Variants in KDM2A observed in about 807,000 individuals in gnomAD.
KDM2A encodes lysine demethylase 2A.
In KDM2A, 3 loss-of-function variants were observed where a neutral mutation model predicts 137.3. The observed-to-expected ratio is 0.02, with a 90% CI of 0.01 to 0.06. The LOEUF (loss-of-function observed/expected upper bound fraction) is 0.06, where lower values mean the gene tolerates loss of function less well. Ranked by LOEUF, KDM2A falls within the 10% of genes least tolerant of loss-of-function variation. The pLI, the probability that KDM2A is intolerant of heterozygous loss-of-function variation, is 1.00. For synonymous variants in KDM2A, 512 were observed against 541.5 expected, an observed-to-expected ratio of 0.95 and a Z score of 0.76; for missense variants, 738 against 1,510.6, an observed-to-expected ratio of 0.49 and a Z score of 8.48.
intron 2 of KDM2A, among the ~76,000 whole-genome samples, chr11:67,165,272 G>A (rs551180936): frequency 1.3e-5 from 2 of 152,012 alleles, no homozygotes; most frequent in African/African-American, 4.8e-5. Context: ...ACAGGCATGC[G>A]CCGCCACACC....
chr11:67,254,425 C>G lies in KDM2A; in HGVS notation c.3307+7C>G. On this transcript the variant is annotated splice_region_variant and intron_variant, in intron 20 of 20. Transcript: ENST00000529006. The surrounding 1 kb of genome is among the most constrained non-coding windows in gnomAD (Gnocchi z 4.7). The stretch of plus-strand genomic sequence containing the variant: ...ACAGAGCTCAATATGGCAGGTATGC[C>G]GCTACAGTTGTTCATAATCAGCGGT... 1 of 1,612,308 alleles carries G rather than the reference C, an allele frequency of 6.2e-7. No individual in the cohort carries two copies. Among genetic ancestry groups the G allele is most frequent in the Non-Finnish European group, 8.5e-7 (1 of 1,178,562 alleles).
At position 67,168,050 on chromosome 11, in the gene KDM2A, C is replaced by T. The variant is rs558696436; in HGVS notation, c.43-12029C>T. On this transcript the variant is annotated intron_variant, in intron 2 of 20. Coordinates refer to ENST00000529006, the MANE Select transcript of KDM2A (RefSeq NM_012308.3). ...CGACTCTTTTTATACTTCCTTAGGG[C>T]ATTTTAATTAAAATCCATCATGAGA... Among the ~76,000 whole-genome samples, 4 of 152,174 alleles carry T rather than the reference C, an allele frequency of 2.6e-5. No individual in the cohort carries two copies. In the South Asian group the frequency reaches 8.3e-4, roughly 32 times the overall value.
intron 11 of KDM2A, among the ~76,000 whole-genome samples, chr11:67,228,563 G>A (rs970562662): frequency 4.6e-5 from 7 of 151,628 alleles, no homozygotes; most frequent in Admixed American, 6.6e-5. Flanking sequence ...ATGGTGGCTC[G>A]AGTCCCAGCT....
At chr11:67,172,845 A>T (rs1347421337) in intron 2 of KDM2A, among the ~76,000 whole-genome samples, 2 of 152,100 alleles carry the variant, frequency 1.3e-5, no homozygotes, top group African/African-American at 2.4e-5. Flanking sequence ...CTTGTTCCTA[A>T]TCTTAGGGGG....
At chr11:67,249,750 A>G (rs964912121) in intron 16 of KDM2A, among the ~76,000 whole-genome samples, 1 of 152,208 alleles carries the variant, frequency 6.6e-6, no homozygotes, top group African/African-American at 2.4e-5. Flanking sequence ...CAGACTCAGG[A>G]TCTTAGTTCA....
At chr11:67,191,806 A>C (rs193006154) in intron 5 of KDM2A, among the ~76,000 whole-genome samples, 1 of 152,214 alleles carries the variant, frequency 6.6e-6, no homozygotes, top group Non-Finnish European at 1.5e-5. Context: ...TACTGCCTCT[A>C]TTCAATGTAG....
intron 12 of KDM2A, among the ~76,000 whole-genome samples, chr11:67,238,575 A>G (rs553253765): frequency 2.0e-4 from 30 of 152,266 alleles, no homozygotes; most frequent in African/African-American, 7.2e-4. Context: ...CGAGAGCACA[A>G]AAGTCTGTCC....
At chr11:67,148,582 C>T (rs1182016555) in intron 2 of KDM2A, among the ~76,000 whole-genome samples, 1 of 151,784 alleles carries the variant, frequency 6.6e-6, no homozygotes, top group African/African-American at 2.4e-5. Context: ...GGGTGGATCA[C>T]CTGAGGTCAG....
At chr11:67,125,635 TG>T (rs1174740845) in intron 2 of KDM2A, among the ~76,000 whole-genome samples, 1 of 151,458 alleles carries the variant, frequency 6.6e-6, no homozygotes. Context: ...AGCTGGGCAC[TG>T]GGGGTGGTGG....
chr11:67,215,455 T>A lies in KDM2A; in HGVS notation c.593+9T>A. On this transcript the variant is annotated intron_variant, in intron 7 of 20. Coordinates refer to ENST00000529006, the MANE Select transcript of KDM2A (RefSeq NM_012308.3). ...TACCCTAAAGTGCAGAAGTAAGTGA[T>A]GCGCCCTGCATCTTCCTCCGTGTGC... The A allele has an allele frequency of 1.3e-6, 2 of 1,571,234 alleles. No homozygotes were observed. Among genetic ancestry groups the A allele is most frequent in the Non-Finnish European group, 1.8e-6 (2 of 1,141,682 alleles).
intron 2 of KDM2A, among the ~76,000 whole-genome samples, chr11:67,140,347 CAG>C: frequency 6.6e-6 from 1 of 151,752 alleles, no homozygotes; most frequent in East Asian, 1.9e-4. Context: ...TCCTGGGTGA[CAG>C]AGTGAGATCT....
chr11:67,249,568 G>A (rs926062679), intron 16 of KDM2A, among the ~76,000 whole-genome samples: 3 of 152,210 alleles, frequency 2.0e-5, no homozygotes, highest in African/African-American at 4.8e-5. Flanking sequence ...GGGGGCTCTT[G>A]TGGGATTCCT....
Position 67,255,050 on chromosome 11 carries a change from A to G in KDM2A, c.3484A>G (p.Ser1162Gly), listed in dbSNP as rs1452676523. The G allele has an allele frequency of 6.2e-7, 1 of 1,609,014 alleles. No homozygotes were observed. The highest frequency in any genetic ancestry group is 2.2e-5 in the East Asian group (1 of 44,702). ...TGACGAGAAGCTGATACAGAAGATCAGCTAAGACACACCCAGCCCAGATTC... is the reference window on the plus strand; with the variant it reads ...TGACGAGAAGCTGATACAGAAGATCGGCTAAGACACACCCAGCCCAGATTC... The part of the protein sequence containing the change: ...LSDEKLIQKI[S>G] The change falls in exon 21 of 21, where the codon AGC (serine) becomes GGC (glycine). Residue 1162 changes from serine (S) to glycine (G), a missense_variant. Transcript: ENST00000529006.
intron 19 of KDM2A, among the ~76,000 whole-genome samples, chr11:67,253,995 A>G (rs1859521601): frequency 6.6e-6 from 1 of 152,252 alleles, no homozygotes; most frequent in African/African-American, 2.4e-5. Context: ...GGCATAATCT[A>G]GCAGCTTGAG....
intron 16 of KDM2A, chr11:67,248,738 G>T: frequency 4.9e-6 from 1 of 202,678 alleles, no homozygotes; most frequent in South Asian, 7.6e-5. Context: ...GAGGCAGCCA[G>T]TGAGTGCAGC....
chr11:67,252,667 G>T, intron 17 of KDM2A, 27 bp from the exon 18 acceptor site: 1 of 1,613,540 alleles, frequency 6.2e-7, no homozygotes, highest in South Asian at 1.1e-5. Context: ...AGTTAATGAA[G>T]GCGAGTTCTC....
At chr11:67,206,804 T>C (rs1857818758) in intron 5 of KDM2A, among the ~76,000 whole-genome samples, 1 of 152,258 alleles carries the variant, frequency 6.6e-6, no homozygotes, top group East Asian at 1.9e-4. Flanking sequence ...CACTACTATT[T>C]TATGCTGACT....
At chr11:67,198,734 T>C (rs1365684645) in intron 5 of KDM2A, among the ~76,000 whole-genome samples, 2 of 151,420 alleles carry the variant, frequency 1.3e-5, no homozygotes, top group African/African-American at 4.9e-5. Context: ...AGCTTTTCAT[T>C]ATTATTTGTC....
intron 2 of KDM2A, among the ~76,000 whole-genome samples, chr11:67,151,266 C>T (rs546390490): frequency 1.3e-5 from 2 of 152,210 alleles, no homozygotes; most frequent in East Asian, 1.9e-4. Context: ...ATGGTAGCCA[C>T]TAGCCACAGG....
Sources: gnomAD v4.1 joint callset for allele counts (sites outside exome capture counted in the v4.1 genomes callset) on GRCh38, gnomAD v4.1.1 for gene constraint, Gnocchi (gnomAD v3.1) non-coding constraint, MANE v1.5 for transcripts, NCBI Gene and HGNC (gene_info 2026-07-23, HGNC 2026-07-21) for gene names.